The following TPM3 variants were observed in gnomAD, a reference collection of about 807,000 sequenced individuals.
The protein encoded by TPM3 is tropomyosin alpha-3 chain.
Under a neutral mutation model 43.1 loss-of-function variants are expected in TPM3, and 16 were observed. That is an observed-to-expected ratio of 0.37 (90% CI 0.25 to 0.56). The LOEUF is 0.56. Ranked by LOEUF, TPM3 falls within the 20% of genes least tolerant of loss-of-function variation. The pLI, the probability that TPM3 is intolerant of heterozygous loss-of-function variation, is 0.77. For synonymous variants in TPM3, 101 were observed against 116.9 expected (o/e 0.86, Z 0.88); for missense variants, 176 against 337.2 (o/e 0.52, Z 3.74).
intron 2 of TPM3, among the ~76,000 whole-genome samples, chr1:154,185,372 C>CA (rs34650875): frequency 0.062 from 7,395 of 118,942 alleles, 309 homozygotes; most frequent in Non-Finnish European, 0.09. Flanking sequence ...GACTCTGTAT[C>CA]AAAAAAAAAA....
intron 2 of TPM3, chr1:154,187,572 T>C: frequency 1.1e-6 from 1 of 934,916 alleles, no homozygotes; most frequent in Non-Finnish European, 1.3e-6. Flanking sequence ...AGACCACATC[T>C]AGGTGAGGGG....
intron 2 of TPM3, among the ~76,000 whole-genome samples, chr1:154,184,908 G>A (rs1200721477): frequency 6.6e-6 from 1 of 151,668 alleles, no homozygotes; most frequent in Non-Finnish European, 1.5e-5. Flanking sequence ...TTGAGAGCCT[G>A]TCTCAAAAAA....
At chr1:154,191,649 G>C in intron 1 of TPM3, 1 of 1,425,682 alleles carries the variant, frequency 7.0e-7, no homozygotes, top group Non-Finnish European at 9.1e-7. Flanking sequence ...AGAAGTCAAG[G>C]GTTCTTCCAA....
rs202229838 is a variant in TPM3, at chr1:154,174,401, T to C, written c.378-1200A>G. ...ATATATATATATATATATATATATA[T>C]ATATATACACACAAAAATCCCATCC... On this transcript the variant is annotated intron_variant, in intron 3 of 9. Transcript: ENST00000651641. Among the ~76,000 whole-genome samples, 265 of 104,958 alleles carry C rather than the reference T, an allele frequency of 2.5e-3. 12 individuals are homozygous for C. The highest frequency in any genetic ancestry group is 0.014 in the East Asian group (48 of 3,340). The allele number at this position is 104,958 out of a possible 152,430, so 68.9% of individuals were successfully genotyped here.
chr1:154,166,745 G>C lies in TPM3; in HGVS notation c.*1192C>G, dbSNP rs1661025084. On this transcript the variant is annotated 3_prime_UTR_variant, in exon 10 of 10. Transcript: ENST00000651641. ...TGCCCAGGCTGGAATGCAGTGGCGC[G>C]ATCTCCGCTCACTGCAACCTCCGCC... 5.2e-6 allele frequency: 5 copies of C among 959,638 alleles called. No individual in the cohort carries two copies. Among genetic ancestry groups the C allele is most frequent in the Non-Finnish European group, 6.2e-6 (5 of 807,522 alleles). The allele number at this position is 959,638 out of a possible 1,614,324, so 59.4% of individuals were successfully genotyped here. A position where few individuals can be genotyped will look rare whatever the true frequency, so the allele number is the denominator to read the frequency against.
chr1:154,156,845 C>G (rs952945992), downstream of TPM3: 1 of 195,184 alleles, frequency 5.1e-6, no homozygotes, highest in Non-Finnish European at 1.1e-5. Flanking sequence ...TTCTTTCTTT[C>G]TTTCTTTCAA....
chr1:154,170,623 C>CT, intron 7 of TPM3, 26 bp downstream of exon 7: 1 of 1,610,584 alleles, frequency 6.2e-7, no homozygotes. Context: ...GTTTTGGGTT[C>CT]TGCCCTATAA....
chr1:154,174,197 G>T (rs1661943440), intron 3 of TPM3, among the ~76,000 whole-genome samples: 1 of 150,138 alleles, frequency 6.7e-6, no homozygotes, highest in South Asian at 2.1e-4. Context: ...GTCAGGCGTG[G>T]TGGCAGGCGC....
At chr1:154,177,377 T>C (rs548874885) in intron 2 of TPM3, among the ~76,000 whole-genome samples, 1 of 152,256 alleles carries the variant, frequency 6.6e-6, no homozygotes, top group African/African-American at 2.4e-5. Context: ...ATCTTCCCCC[T>C]GGCCTCCATC....
Position 154,166,060 on chromosome 1 carries a change from C to T in TPM3, c.*1877G>A, listed in dbSNP as rs1469442132. Among the ~76,000 whole-genome samples the T allele has an allele frequency of 2.0e-5, 3 of 152,076 alleles. No homozygotes were observed. Among genetic ancestry groups the T allele is most frequent in the Admixed American group, 2.0e-4 (3 of 15,272 alleles). On this transcript the variant is annotated 3_prime_UTR_variant, in exon 10 of 10. Transcript: ENST00000651641. ...TCTGTCTCCATCTTAATATCCTATA[C>T]CTAGAAGATACCAGGAAGTGTCAGC...
chr1:154,174,407 T>TATATATATATATATATATATAC (rs1261318136), intron 3 of TPM3, among the ~76,000 whole-genome samples: 1 of 72,678 alleles, frequency 1.4e-5, no homozygotes, highest in Non-Finnish European at 2.6e-5. Flanking sequence ...TATATATATA[T>TATATATATATATATATATATAC]ACACACAAAA....
At chr1:154,180,053 A>G (rs1208470388) in intron 2 of TPM3, among the ~76,000 whole-genome samples, 4 of 152,044 alleles carry the variant, frequency 2.6e-5, no homozygotes, top group African/African-American at 9.7e-5. Flanking sequence ...GCATTTAAAC[A>G]TTATGTTGCC....
chr1:154,187,659 C>A (rs899015967), intron 2 of TPM3, among the ~76,000 whole-genome samples: 5 of 151,462 alleles, frequency 3.3e-5, no homozygotes, highest in Non-Finnish European at 5.9e-5. Flanking sequence ...CCAGGAAATC[C>A]TTTTATATTC....
At chr1:154,158,935 G>A (rs774235456), downstream of TPM3, 28 of 778,978 alleles carry the variant, frequency 3.6e-5, no homozygotes, top group African/African-American at 1.5e-4. Context: ...TGAGCAGTAA[G>A]CTCAGTTTAA....
At chr1:154,159,129 T>G, downstream of TPM3, 1 of 754,080 alleles carries the variant, frequency 1.3e-6, no homozygotes, top group South Asian at 1.4e-5. Flanking sequence ...GGAAAGTTAG[T>G]AGAGTACCAG....
At chr1:154,170,771 C>T in intron 6 of TPM3, 60 bp from the exon 7 acceptor site, 1 of 1,113,894 alleles carries the variant, frequency 9.0e-7, no homozygotes, top group Admixed American at 1.7e-5. Flanking sequence ...GCAATACCCC[C>T]CTCCCTACAT....
At chr1:154,191,059 A>G (rs1222433918) in intron 2 of TPM3, 127 bp downstream of exon 2, 5 of 1,469,972 alleles carry the variant, frequency 3.4e-6, no homozygotes, top group Non-Finnish European at 3.8e-6. Context: ...GGTTATATGC[A>G]AAAATGTATG....
intron 5 of TPM3, 64 bp from the exon 6 acceptor site, chr1:154,171,552 A>C (rs1661577520): frequency 1.3e-6 from 2 of 1,547,658 alleles, no homozygotes; most frequent in Admixed American, 1.7e-5. Context: ...AAAAAGGGAG[A>C]GAGACACATA....
intron 2 of TPM3, among the ~76,000 whole-genome samples, chr1:154,188,553 T>C (rs1024451705): frequency 1.3e-5 from 2 of 150,532 alleles, no homozygotes; most frequent in Non-Finnish European, 2.9e-5. Flanking sequence ...CGGGCACCTG[T>C]AGTCCCAGCT....
Sources: gnomAD v4.1 joint callset for allele counts (sites outside exome capture counted in the v4.1 genomes callset) on GRCh38, gnomAD v4.1.1 for gene constraint, MANE v1.5 for transcripts, NCBI Gene and HGNC (gene_info 2026-07-23, HGNC 2026-07-21) for gene names.